Variants in TBCD observed in about 807,000 individuals in gnomAD.
TBCD encodes tubulin folding cofactor D.
A neutral mutation model predicts 169.3 loss-of-function variants in TBCD; 105 were observed. The ratio of observed to expected loss-of-function variants is 0.62; its 90% CI spans 0.53 to 0.73. The LOEUF (loss-of-function observed/expected upper bound fraction) is 0.73. Ranked by LOEUF, TBCD falls within the 30% of genes least tolerant of loss-of-function variation. The pLI, the probability that TBCD is intolerant of heterozygous loss-of-function variation, is 0.00. For synonymous variants in TBCD, 700 were observed against 643.9 expected (o/e 1.09, Z -1.32); for missense variants, 1,444 against 1,600.1 (o/e 0.90, Z 1.66).
At chr17:82,753,469 T>TTTTG (rs2047227395) in intron 1 of TBCD, among the ~76,000 whole-genome samples, 1 of 137,098 alleles carries the variant, frequency 7.3e-6, no homozygotes, top group Admixed American at 7.8e-5. Flanking sequence ...TTTTTTTTTT[T>TTTTG]GATACGAAGT....
intron 7 of TBCD, among the ~76,000 whole-genome samples, chr17:82,787,816 T>C (rs759886675): frequency 6.6e-6 from 1 of 152,208 alleles, no homozygotes; most frequent in Non-Finnish European, 1.5e-5. Context: ...AGCAAGTGTT[T>C]GGCAATGTAA....
chr17:82,835,467 G>T lies in TBCD; in HGVS notation c.1318+20533G>T, dbSNP rs935831169. Among the ~76,000 whole-genome samples, 1 of 152,148 alleles carries T rather than the reference G, an allele frequency of 6.6e-6. No individual in the cohort carries two copies. Reference sequence around the variant, plus strand: ...GACGGAGTTTTGGTCTTGTTGCCCAGGCTGGAGGGCAGTGGTGCGATCTCG... The same window carrying T: ...GACGGAGTTTTGGTCTTGTTGCCCATGCTGGAGGGCAGTGGTGCGATCTCG... On this transcript the variant is annotated intron_variant, in intron 13 of 38. Transcript: ENST00000355528. The surrounding 1 kb of genome is among the most constrained non-coding windows in gnomAD (Gnocchi z 4.5).
At position 82,768,422 on chromosome 17, in the gene TBCD, T is replaced by C; in HGVS notation, c.438T>C (p.Ala146=). 1 of 1,613,898 alleles carries C rather than the reference T, an allele frequency of 6.2e-7. No homozygotes were observed. The highest frequency in any genetic ancestry group is 8.5e-7 in the Non-Finnish European group (1 of 1,179,826). The change falls in exon 5 of 39, where the codon GCT becomes GCC. Residue 146 remains alanine (A), a splice_region_variant and synonymous_variant. Coordinates refer to ENST00000355528, the MANE Select transcript of TBCD (RefSeq NM_005993.5). ...CTTCCCGTGGTTTAATTTTTTAGGC[T>C]TGGGAAACCCGCTACATGCTTTTGC... ...VTIQNPKDHE[A]WETRYMLLLW... is the part of the protein sequence containing the mutation.
intron 1 of TBCD, among the ~76,000 whole-genome samples, chr17:82,754,822 G>C (rs117202445): frequency 4.7e-4 from 71 of 152,360 alleles, no homozygotes; most frequent in Middle Eastern, 3.4e-3. Flanking sequence ...AGTTTCAGCT[G>C]CTGAGAGGAG....
Position 82,781,663 on chromosome 17 carries a change from G to T in TBCD, c.713G>T (p.Arg238Leu). The change falls in exon 7 of 39, where the codon CGT becomes CTT. Residue 238 changes from arginine (R) to leucine (L), a missense_variant. Coordinates refer to ENST00000355528, the MANE Select transcript of TBCD (RefSeq NM_005993.5). ...GACTGGAGCCTGTGCAATCTGGCCC[G>T]TTCCTCCTTCCAGACCATGCAGGGG... ...FLDWSLCNLARSSFQTMQGVI... is the reference protein window; with the variant it reads ...FLDWSLCNLALSSFQTMQGVI... 1 of 1,613,902 alleles carries T rather than the reference G, an allele frequency of 6.2e-7. No individual in the cohort carries two copies. Among genetic ancestry groups the T allele is most frequent in the Non-Finnish European group, 8.5e-7 (1 of 1,179,872 alleles).
At chr17:82,773,529 G>A (rs2048406563) in intron 6 of TBCD, among the ~76,000 whole-genome samples, 1 of 152,122 alleles carries the variant, frequency 6.6e-6, no homozygotes, top group Admixed American at 6.5e-5. Context: ...TCATCCCATG[G>A]GGGTGTGATG....
intron 15 of TBCD, chr17:82,886,118 C>T (rs2058689904): frequency 6.6e-6 from 1 of 152,276 alleles, no homozygotes; most frequent in African/African-American, 2.4e-5. Flanking sequence ...GGACACGGTC[C>T]CTTGCCCCTG....
rs1368252860 is a variant in TBCD, at chr17:82,752,345, C to T, written c.152C>T (p.Ala51Val). 1 of 1,409,800 alleles carries T rather than the reference C, an allele frequency of 7.1e-7. No individual in the cohort carries two copies. Among genetic ancestry groups the T allele is most frequent in the Non-Finnish European group, 9.1e-7 (1 of 1,094,524 alleles). 87.3% of individuals were successfully genotyped at this position (1,409,800 alleles called of 1,614,324 possible). The change falls in exon 1 of 39, where the codon GCG becomes GTG. Residue 51 changes from alanine to valine, a missense_variant. By Grantham distance (64) the Ala-to-Val change is moderately conservative (BLOSUM62 0). Transcript: ENST00000355528. Reference sequence around the variant, plus strand: ...CTGCGGGAGGTGCACGGCGGCGGCGCGGAGCGCGAGGTGGCCCTGGAGCGG... The same window carrying T: ...CTGCGGGAGGTGCACGGCGGCGGCGTGGAGCGCGAGGTGGCCCTGGAGCGG... ...GRLREVHGGGAEREVALERFR... is the reference protein window; with the variant it reads ...GRLREVHGGGVEREVALERFR...
intron 5 of TBCD, among the ~76,000 whole-genome samples, chr17:82,771,410 G>A (rs569352390): frequency 2.0e-5 from 3 of 151,950 alleles, no homozygotes; most frequent in Non-Finnish European, 4.4e-5. Flanking sequence ...TGGGGAGGTT[G>A]GTGCTGCAGT....
rs560357576 is a variant in TBCD at position 82,880,442 on chromosome 17, C to T, written c.1476-3703C>T. Among the ~76,000 whole-genome samples, 4 of 152,340 alleles carry T rather than the reference C, an allele frequency of 2.6e-5. No individual in the cohort carries two copies. Among genetic ancestry groups the T allele is most frequent in the African/African-American group, 9.6e-5 (4 of 41,582 alleles). ...AAAGGAACATGTTTGAAGTGGGACA[C>T]CCTTATCTTTGGGAGTGGGTATTAT... is the stretch of plus-strand genomic sequence containing the variant. On this transcript the variant is annotated intron_variant, in intron 14 of 38. Coordinates refer to ENST00000355528, the MANE Select transcript of TBCD (RefSeq NM_005993.5). This position sits in a 1 kb window ranked among gnomAD's most constrained non-coding sequence, Gnocchi z 5.0.
At position 82,832,533 on chromosome 17, in the gene TBCD, A is replaced by T; in HGVS notation, c.1318+17599A>T. ...CGCCGCGTGCACTTCGTGGTTTCTA[A>T]AGAGGCACCTCCCGCTTTGCTTTCT... is the stretch of plus-strand genomic sequence containing the variant. On this transcript the variant is annotated intron_variant, in intron 13 of 38. Coordinates refer to ENST00000355528, the MANE Select transcript of TBCD (RefSeq NM_005993.5). The surrounding 1 kb of genome is among the most constrained non-coding windows in gnomAD (Gnocchi z 4.9). 7.9e-7 allele frequency: 1 copy of T among 1,264,466 alleles called. No homozygotes were observed. Among genetic ancestry groups the T allele is most frequent in the Non-Finnish European group, 1.1e-6 (1 of 878,414 alleles). The allele number at this position is 1,264,466 out of a possible 1,614,324, so 78.3% of individuals were successfully genotyped here.
At chr17:82,792,430 T>G (rs1422387924) in intron 7 of TBCD, among the ~76,000 whole-genome samples, 2 of 152,236 alleles carry the variant, frequency 1.3e-5, no homozygotes, top group Non-Finnish European at 2.9e-5. Flanking sequence ...TATCAATATG[T>G]GGTTCCTCAT....
At chr17:82,938,625 G>T (rs2062833737) in intron 36 of TBCD, among the ~76,000 whole-genome samples, 1 of 152,262 alleles carries the variant, frequency 6.6e-6, no homozygotes, top group Non-Finnish European at 1.5e-5. Context: ...GGCACCTCTG[G>T]GGCTTCAGCA....
At chr17:82,902,000 T>C (rs2059926167) in intron 18 of TBCD, among the ~76,000 whole-genome samples, 1 of 152,134 alleles carries the variant, frequency 6.6e-6, no homozygotes, top group Non-Finnish European at 1.5e-5. Flanking sequence ...CTCCAGCTGG[T>C]ACATATGCCC....
intron 14 of TBCD, among the ~76,000 whole-genome samples, chr17:82,878,754 G>A (rs1186345188): frequency 1.3e-5 from 2 of 152,158 alleles, no homozygotes; most frequent in Non-Finnish European, 2.9e-5. Context: ...CACCCCATCC[G>A]AGCTCTGTCC....
At position 82,890,533 on chromosome 17, in the gene TBCD, G is replaced by A. The variant is rs1051729336; in HGVS notation, c.1563+836G>A. 6.6e-6 allele frequency among the ~76,000 whole-genome samples: 1 copy of A among 152,178 alleles called. No homozygotes were observed. The highest frequency in any genetic ancestry group is 2.4e-5 in the African/African-American group (1 of 41,442). On this transcript the variant is annotated intron_variant, in intron 16 of 38. Transcript: ENST00000355528. The surrounding 1 kb of genome is among the most constrained non-coding windows in gnomAD (Gnocchi z 5.3). ...TGGAGTGGAAGCATTGAGGCCAAAT[G>A]AGTCCACAGGAAAAGCCGGATGCCA...
At chr17:82,919,244 G>T (rs8066186) in intron 23 of TBCD, among the ~76,000 whole-genome samples, 48,677 of 151,886 alleles carry the variant, frequency 0.32, 8,244 homozygotes, top group African/African-American at 0.44. Flanking sequence ...CTAACTTGTG[G>T]TAAGAACTGG....
intron 7 of TBCD, among the ~76,000 whole-genome samples, chr17:82,788,827 G>A (rs765889188): frequency 6.6e-6 from 1 of 152,214 alleles, no homozygotes; most frequent in Non-Finnish European, 1.5e-5. Flanking sequence ...GCCAGGGTGA[G>A]CACCAGCGCC....
chr17:82,898,569 T>A (rs2059654280), intron 17 of TBCD, among the ~76,000 whole-genome samples: 1 of 152,214 alleles, frequency 6.6e-6, no homozygotes. Flanking sequence ...ATTTTTTTTT[T>A]ATTGATTCAG....
Sources: gnomAD v4.1 joint callset for allele counts (sites outside exome capture counted in the v4.1 genomes callset) on GRCh38, gnomAD v4.1.1 for gene constraint, Gnocchi (gnomAD v3.1) non-coding constraint, MANE v1.5 for transcripts, NCBI Gene and HGNC (gene_info 2026-07-23, HGNC 2026-07-21) for gene names.